The following VCL variants were observed in gnomAD, a reference collection of about 807,000 sequenced individuals.
VCL encodes vinculin.
In VCL, 47 loss-of-function variants were observed where a neutral mutation model predicts 125.7. The observed-to-expected ratio is 0.37, with a 90% CI of 0.30 to 0.48. The LOEUF (loss-of-function observed/expected upper bound fraction) is 0.48. VCL is among the 20% of genes least tolerant of loss of function. The probability of loss-of-function intolerance (pLI) is 0.99; values close to 1 mark genes in which losing one functional copy is unlikely to be tolerated. For missense variants in VCL, 1,069 were observed against 1,455.5 expected (o/e 0.73, Z 4.32); for synonymous variants, 458 against 514.6 (o/e 0.89, Z 1.49).
intron 10 of VCL, among the ~76,000 whole-genome samples, chr10:74,091,687 G>C (rs1205493082): frequency 1.3e-5 from 2 of 149,084 alleles, no homozygotes; most frequent in African/African-American, 4.9e-5. Context: ...CTACTCAGAG[G>C]CTGAGGCAAG....
chr10:74,060,749 A>G (rs1252856943), intron 2 of VCL, among the ~76,000 whole-genome samples: 1 of 151,978 alleles, frequency 6.6e-6, no homozygotes, highest in Non-Finnish European at 1.5e-5. Flanking sequence ...TCTTTGGCAT[A>G]CATTTAATCT....
intron 1 of VCL, among the ~76,000 whole-genome samples, chr10:73,999,273 C>T (rs1014617252): frequency 6.6e-6 from 1 of 152,180 alleles, no homozygotes; most frequent in Non-Finnish European, 1.5e-5. Flanking sequence ...GCCGCCCCTG[C>T]CGGAGAGAAG....
At chr10:74,080,671 G>C (rs954581848) in intron 6 of VCL, among the ~76,000 whole-genome samples, 3 of 143,916 alleles carry the variant, frequency 2.1e-5, no homozygotes, top group Non-Finnish European at 3.1e-5. Context: ...TTAGGAAAAT[G>C]GTTTAACAGG....
At chr10:74,002,227 G>C (rs2136220941) in intron 1 of VCL, among the ~76,000 whole-genome samples, 1 of 152,302 alleles carries the variant, frequency 6.6e-6, no homozygotes, top group South Asian at 2.1e-4. Context: ...CCAGGTTCAA[G>C]TGATTCTCCT....
intron 14 of VCL, 83 bp downstream of exon 14, chr10:74,101,180 C>T: frequency 2.0e-6 from 3 of 1,537,302 alleles, no homozygotes; most frequent in Non-Finnish European, 2.6e-6. Context: ...TGAATACTTA[C>T]CGTAAGATGG....
rs762380935 is a variant in VCL at position 74,082,488 on chromosome 10, T to C, written c.818T>C (p.Ile273Thr). 1.2e-6 allele frequency: 2 copies of C among 1,614,188 alleles called. No homozygotes were observed. Among genetic ancestry groups the C allele is most frequent in the Non-Finnish European group, 8.5e-7 (1 of 1,180,032 alleles). The change falls in exon 7 of 22, where the codon ATA becomes ACA. Residue 273 changes from isoleucine to threonine, a missense_variant. By Grantham distance (89) the Ile-to-Thr change is moderately conservative. Transcript: ENST00000211998. ...GCCATGAAGAGAGCATTGGCCTCCA[T>C]AGACTCCAAACTGAACCAGGCCAAA... ...TEAMKRALASIDSKLNQAKGW... is the reference protein window; with the variant it reads ...TEAMKRALASTDSKLNQAKGW...
At chr10:74,027,668 A>AT (rs1840799836) in intron 1 of VCL, 4 of 144,802 alleles carry the variant, frequency 2.8e-5, no homozygotes, top group Non-Finnish European at 6.1e-5. Flanking sequence ...AAAAAAAAAA[A>AT]TGAAGTTTAT....
chr10:74,089,389 A>G (rs1839841121), intron 9 of VCL, 40 bp downstream of exon 9: 1 of 1,610,652 alleles, frequency 6.2e-7, no homozygotes, highest in Non-Finnish European at 8.5e-7. Flanking sequence ...GAAATATTTC[A>G]TAAATATCCT....
chr10:74,074,196 G>A (rs1302473051), intron 5 of VCL, among the ~76,000 whole-genome samples: 3 of 152,184 alleles, frequency 2.0e-5, no homozygotes, highest in Non-Finnish European at 4.4e-5. Flanking sequence ...AGATCACGCC[G>A]AAAGTGTTGG....
chr10:74,052,111 C>T (rs117129492), intron 2 of VCL, among the ~76,000 whole-genome samples: 7 of 152,210 alleles, frequency 4.6e-5, no homozygotes, highest in East Asian at 1.9e-4. Flanking sequence ...GGGGCAGTAA[C>T]GTCTGGGTGT....
At chr10:74,104,062 C>A in intron 15 of VCL, 134 bp downstream of exon 15, 4 of 846,092 alleles carry the variant, frequency 4.7e-6, no homozygotes, top group South Asian at 1.5e-5. Flanking sequence ...GTACTTGGCT[C>A]TGCTTAAGGC....
chr10:74,108,700 G>T (rs1408793355), intron 17 of VCL, among the ~76,000 whole-genome samples: 2 of 152,082 alleles, frequency 1.3e-5, no homozygotes, highest in African/African-American at 4.8e-5. Flanking sequence ...GGCTGGTCTC[G>T]AACTCCTGAC....
rs144117013 is a variant in VCL at position 74,097,302 on chromosome 10, G to A, written c.1842G>A (p.Thr614=). 9.0e-5 allele frequency: 145 copies of A among 1,613,706 alleles called. No homozygotes were observed. Among genetic ancestry groups the A allele is most frequent in the African/African-American group, 3.7e-4 (28 of 74,906 alleles). The part of the protein sequence containing the change: ...TPIKLLAVAA[T]APPDAPNREE... ...TCAAGCTGTTGGCAGTGGCAGCCAC[G>A]GCGCCTCCTGATGCGCCTAACAGGG... The change falls in exon 13 of 22, where the codon ACG becomes ACA. Residue 614 remains threonine, a synonymous_variant. Coordinates refer to ENST00000211998, the MANE Select transcript of VCL (RefSeq NM_014000.3). The surrounding 1 kb of genome is among the most constrained non-coding windows in gnomAD (Gnocchi z 4.1).
At chr10:74,085,870 T>C (rs1400960911) in intron 8 of VCL, among the ~76,000 whole-genome samples, 1 of 152,146 alleles carries the variant, frequency 6.6e-6, no homozygotes, top group Non-Finnish European at 1.5e-5. Flanking sequence ...TATTTTATTT[T>C]ATTTTATTTT....
At chr10:74,058,316 A>T (rs899761281) in intron 2 of VCL, among the ~76,000 whole-genome samples, 6 of 152,010 alleles carry the variant, frequency 3.9e-5, no homozygotes, top group Non-Finnish European at 8.8e-5. Flanking sequence ...TTGATCAGAT[A>T]TGTTTGTGGG....
At position 74,043,088 on chromosome 10, in the gene VCL, A is replaced by G; in HGVS notation, c.174A>G (p.Gly58=). The G allele has an allele frequency of 6.2e-7, 1 of 1,613,102 alleles. No homozygotes were observed. The highest frequency in any genetic ancestry group is 8.5e-7 in the Non-Finnish European group (1 of 1,179,456). The change falls in exon 2 of 22, where the codon GGA becomes GGG. Residue 58 remains glycine (G), a synonymous_variant. Transcript: ENST00000211998. ...GATTTTTTTTCCTCTTGTAGGTTGG[A>G]AAAGAGACTGTTCAAACCACTGAGG... is the stretch of plus-strand genomic sequence containing the variant. ...QAAVSNLVRV[G]KETVQTTEDQ... is the part of the protein sequence containing the mutation.
intron 1 of VCL, among the ~76,000 whole-genome samples, chr10:74,021,491 T>C (rs1840666483): frequency 6.6e-6 from 1 of 152,120 alleles, no homozygotes; most frequent in African/African-American, 2.4e-5. Flanking sequence ...ATGTAAGCCA[T>C]ATGAATACTC....
In VCL at chr10:74,097,160, G is replaced by T; in HGVS notation, c.1744-44G>T. On this transcript the variant is annotated intron_variant, in intron 12 of 21. Coordinates refer to ENST00000211998, the MANE Select transcript of VCL (RefSeq NM_014000.3). The surrounding 1 kb of genome is among the most constrained non-coding windows in gnomAD (Gnocchi z 4.1). ...GTAAGGGCATTAGTAGATATGCTTT[G>T]AGGATGTATCTGGACATTTTCATAT... The T allele has an allele frequency of 6.2e-7, 1 of 1,607,846 alleles. No homozygotes were observed.
At chr10:74,030,980 A>C (rs1840863654) in intron 1 of VCL, among the ~76,000 whole-genome samples, 2 of 152,192 alleles carry the variant, frequency 1.3e-5, no homozygotes, top group Non-Finnish European at 2.9e-5. Context: ...AAATCCACTA[A>C]TTTGCAGCTC....
Sources: gnomAD v4.1 joint callset for allele counts (sites outside exome capture counted in the v4.1 genomes callset) on GRCh38, gnomAD v4.1.1 for gene constraint, Gnocchi (gnomAD v3.1) non-coding constraint, MANE v1.5 for transcripts, NCBI Gene and HGNC (gene_info 2026-07-23, HGNC 2026-07-21) for gene names.